Variants in DUSP13B observed in about 807,000 individuals in gnomAD.
The protein encoded by DUSP13B is dual specificity phosphatase 13B, also known as dual specificity protein phosphatase 13B.
At chr10:75,104,154 G>A in the DUSP13B span, 4 of 1,230,736 alleles carry the variant, frequency 3.3e-6, no homozygotes, top group Non-Finnish European at 4.3e-6. Flanking sequence ...CAGGCTGGCT[G>A]GGACTTGTTG....
At chr10:75,108,134 G>A in the DUSP13B span, 2 of 1,613,602 alleles carry the variant, frequency 1.2e-6, no homozygotes, top group South Asian at 2.2e-5. Flanking sequence ...CCTGACAGTA[G>A]AGGCCCTTGT....
At chr10:75,107,721 T>C in the DUSP13B span, among the ~76,000 whole-genome samples, 7 of 152,036 alleles carry the variant, frequency 4.6e-5, no homozygotes, top group Admixed American at 3.3e-4. Context: ...AGATTATAGG[T>C]GGGTGCCACC....
the DUSP13B span, among the ~76,000 whole-genome samples, chr10:75,101,555 T>C: frequency 7.2e-5 from 11 of 152,208 alleles, no homozygotes; most frequent in East Asian, 1.9e-4. Flanking sequence ...CATTTTCTCA[T>C]TGAATCCTCA....
At chr10:75,108,298 A>G in the DUSP13B span, 1 of 1,503,708 alleles carries the variant, frequency 6.7e-7, no homozygotes, top group Non-Finnish European at 8.8e-7. Flanking sequence ...AGAGGGACCG[A>G]GCCATTAGGG....
chr10:75,098,935 C>A, the DUSP13B span: 1 of 1,220,002 alleles, frequency 8.2e-7, no homozygotes, highest in Non-Finnish European at 1.0e-6. Flanking sequence ...TCTTTGGGGC[C>A]TCCAGAGAGT....
chr10:75,107,920 G>C, the DUSP13B span: 2 of 1,486,966 alleles, frequency 1.3e-6, no homozygotes, highest in Non-Finnish European at 1.8e-6. Context: ...GGGCACTGAT[G>C]ACTGAGAGGA....
chr10:75,107,950 G>A, the DUSP13B span: 3 of 1,567,692 alleles, frequency 1.9e-6, no homozygotes, highest in Middle Eastern at 1.7e-4. Flanking sequence ...TCCTCCCCAT[G>A]AATGAGCAAG....
At chr10:75,106,685 G>A in the DUSP13B span, among the ~76,000 whole-genome samples, 3 of 152,222 alleles carry the variant, frequency 2.0e-5, no homozygotes, top group Non-Finnish European at 2.9e-5. Context: ...CAATTTGGCT[G>A]TCTTTCCACC....
chr10:75,109,030 G>C, the DUSP13B span: 1 of 1,610,184 alleles, frequency 6.2e-7, no homozygotes, highest in African/African-American at 1.3e-5. Context: ...GAAAAGGTTG[G>C]GCCAAACTTC....
the DUSP13B span, among the ~76,000 whole-genome samples, chr10:75,101,371 T>C: frequency 6.6e-6 from 1 of 152,302 alleles, no homozygotes; most frequent in East Asian, 1.9e-4. Context: ...CTATAATTAC[T>C]CTTACCCTTT....
the DUSP13B span, among the ~76,000 whole-genome samples, chr10:75,102,430 G>A: frequency 2.6e-5 from 4 of 152,042 alleles, no homozygotes; most frequent in South Asian, 2.1e-4. Context: ...GCGACAGGGC[G>A]AGACTCCGTC....
At chr10:75,108,329 A>C in the DUSP13B span, 1 of 1,455,514 alleles carries the variant, frequency 6.9e-7, no homozygotes, top group Non-Finnish European at 9.0e-7. Flanking sequence ...GTCCAACCCC[A>C]GCAAGCTCCA....
the DUSP13B span, chr10:75,109,045 A>C: frequency 6.2e-7 from 1 of 1,611,868 alleles, no homozygotes; most frequent in Non-Finnish European, 8.5e-7. Flanking sequence ...AACTTCGTCC[A>C]CACGGCTGCA....
the DUSP13B span, chr10:75,099,203 CT>C: frequency 0.23 from 286,174 of 1,232,098 alleles, 36,035 homozygotes; most frequent in East Asian, 0.57. Flanking sequence ...CTAACTGCCC[CT>C]GATCCCCTGG....
chr10:75,094,481 T>G, the DUSP13B span: 1 of 602,700 alleles, frequency 1.7e-6, no homozygotes, highest in South Asian at 2.0e-5. Flanking sequence ...TGAACTCACT[T>G]TTGCATAAAG....
the DUSP13B span, chr10:75,094,758 C>T: frequency 1.3e-4 from 202 of 1,614,024 alleles, no homozygotes; most frequent in South Asian, 1.6e-4. Context: ...GCAGATATTG[C>T]GGTGGGCCTG....
At chr10:75,106,895 A>C in the DUSP13B span, among the ~76,000 whole-genome samples, 5 of 152,256 alleles carry the variant, frequency 3.3e-5, no homozygotes, top group Non-Finnish European at 7.3e-5. Flanking sequence ...AGGAAACTGA[A>C]GTCCAGAAAG....
the DUSP13B span, among the ~76,000 whole-genome samples, chr10:75,106,598 C>A: frequency 6.6e-6 from 1 of 152,330 alleles, no homozygotes; most frequent in Non-Finnish European, 1.5e-5. Context: ...ATCCTCTGGG[C>A]TTAGCACCCC....
the DUSP13B span, chr10:75,094,981 C>G: frequency 3.0e-6 from 3 of 1,015,614 alleles, no homozygotes; most frequent in Non-Finnish European, 4.4e-6. Context: ...TCCTGGAATA[C>G]TGACACTGTC....
Sources: allele counts gnomAD v4.1 joint callset (sites outside exome capture counted in the v4.1 genomes callset), GRCh38; gene constraint gnomAD v4.1.1; transcripts MANE v1.5; gene names NCBI Gene and HGNC (gene_info 2026-07-23, HGNC 2026-07-21).